Variants in HEXIM2 observed in about 807,000 individuals in gnomAD.
HEXIM2 encodes the protein HEXIM P-TEFb complex subunit 2, also known as protein HEXIM2.
For missense variants in HEXIM2, 413 were observed against 390.8 expected (o/e 1.06, Z -0.48); for synonymous variants, 159 against 162.7 (o/e 0.98, Z 0.17).
chr17:45,160,810 C>T (rs1272716082), upstream of HEXIM2: 3 of 768,750 alleles, frequency 3.9e-6, no homozygotes, highest in African/African-American at 1.8e-5. Context: ...GACCTTCAGG[C>T]ACCGAGCTCG....
chr17:45,161,275 G>A (rs1213748188), upstream of HEXIM2: 2 of 325,760 alleles, frequency 6.1e-6, no homozygotes, highest in East Asian at 7.8e-5. Flanking sequence ...CCCGCACTCT[G>A]TGAGAGGCGA....
chr17:45,161,128 G>C (rs1244276704), upstream of HEXIM2: 1 of 420,994 alleles, frequency 2.4e-6, no homozygotes, highest in African/African-American at 2.0e-5. Context: ...TACCCAGGCC[G>C]AATGGGGGTG....
At position 45,169,682 on chromosome 17, in the gene HEXIM2, C is replaced by T. The variant is rs1364757244; in HGVS notation, c.734C>T (p.Ser245Phe). 1.0e-5 allele frequency: 16 copies of T among 1,531,374 alleles called. No individual in the cohort carries two copies. Among genetic ancestry groups the T allele is most frequent in the Non-Finnish European group, 1.4e-5 (16 of 1,136,072 alleles). The allele number at this position is 1,531,374 out of a possible 1,614,324, so 94.9% of individuals were successfully genotyped here. A position where few individuals can be genotyped will look rare whatever the true frequency, so the allele number is the denominator to read the frequency against. The change falls in exon 4 of 4, where the codon TCC (serine) becomes TTC (phenylalanine). Residue 245 changes from serine (S) to phenylalanine (F), a missense_variant. Physicochemically the swap from Ser to Phe is radical, Grantham distance 155. Coordinates refer to ENST00000589230, the MANE Select transcript of HEXIM2 (RefSeq NM_001303441.2). ...QQLQACTGQQSCRQVEELAAE... is the reference protein window; with the variant it reads ...QQLQACTGQQFCRQVEELAAE... Reference sequence around the variant, plus strand: ...CTGCAGGCGTGCACCGGCCAGCAGTCCTGCCGCCAGGTGGAGGAGCTGGCT... The same window carrying T: ...CTGCAGGCGTGCACCGGCCAGCAGTTCTGCCGCCAGGTGGAGGAGCTGGCT...
chr17:45,161,941 T>G lies in HEXIM2; in HGVS notation c.-283T>G, dbSNP rs1598127092. 1.0e-6 allele frequency: 1 copy of G among 985,338 alleles called. No individual in the cohort carries two copies. Among genetic ancestry groups the G allele is most frequent in the Non-Finnish European group, 1.2e-6 (1 of 830,028 alleles). The allele number at this position is 985,338 out of a possible 1,614,324, so 61.0% of individuals were successfully genotyped here. A position where few individuals can be genotyped will look rare whatever the true frequency, so the allele number is the denominator to read the frequency against. ...GAGCTGCTGCAACTGCAGCAAGAGG[T>G]AGGGCTCAGGCGTTGGGAATTGCAC... On this transcript the variant is annotated 5_prime_UTR_variant, in exon 1 of 4. Transcript: ENST00000589230.
At position 45,162,873 on chromosome 17, in the gene HEXIM2, C is replaced by A; in HGVS notation, c.66+14C>A. The A allele has an allele frequency of 6.4e-7, 1 of 1,555,462 alleles. No homozygotes were observed. The highest frequency in any genetic ancestry group is 8.9e-7 in the Non-Finnish European group (1 of 1,127,736). On this transcript the variant is annotated intron_variant, in intron 3 of 3. Transcript: ENST00000589230. ...GAGGAGGCCAAGGTAAGTCCCTGCCCTCCTGCCCACCCAAGCACCACGAGC... is the reference window on the plus strand; with the variant it reads ...GAGGAGGCCAAGGTAAGTCCCTGCCATCCTGCCCACCCAAGCACCACGAGC...
chr17:45,161,816 T>C (rs2042703030), upstream of HEXIM2: 1 of 985,334 alleles, frequency 1.0e-6, no homozygotes, highest in Non-Finnish European at 1.2e-6. Context: ...TACAGGCCCT[T>C]GGATCGCTTT....
upstream of HEXIM2, chr17:45,161,241 AAC>A: frequency 5.7e-6 from 2 of 351,162 alleles, no homozygotes; most frequent in South Asian, 2.1e-5. Flanking sequence ...GGTCTCGGGA[AAC>A]ACGCGGTAAT....
At chr17:45,160,748 G>A (rs1000746769), upstream of HEXIM2, 63 of 431,004 alleles carry the variant, frequency 1.5e-4, 2 homozygotes, top group South Asian at 1.1e-3. Flanking sequence ...AGGTCAGGTT[G>A]TCCGGAGAAT....
Position 45,169,902 on chromosome 17 carries a change from A to C in HEXIM2, c.*93A>C. ...CTCAAGGAGGCAGGTGGCAGATGAA[A>C]ACCACCGTCAACACCCTGTGCGCCC... is the stretch of plus-strand genomic sequence containing the variant. On this transcript the variant is annotated 3_prime_UTR_variant, in exon 4 of 4. Transcript: ENST00000589230. The C allele has an allele frequency of 9.6e-7, 1 of 1,038,296 alleles. No homozygotes were observed. The highest frequency in any genetic ancestry group is 1.3e-6 in the Non-Finnish European group (1 of 753,676). The allele number at this position is 1,038,296 out of a possible 1,614,324, so 64.3% of individuals were successfully genotyped here.
chr17:45,161,446 A>C, upstream of HEXIM2: 2 of 171,780 alleles, frequency 1.2e-5, no homozygotes, highest in South Asian at 2.2e-4. Context: ...ACCACCCCCC[A>C]CGGGGTGCTC....
chr17:45,166,608 C>G (rs551068152), intron 3 of HEXIM2, among the ~76,000 whole-genome samples: 1 of 152,274 alleles, frequency 6.6e-6, no homozygotes, highest in South Asian at 2.1e-4. Context: ...ATGCTAAATG[C>G]TATGTGCTAA....
At position 45,166,961 on chromosome 17, in the gene HEXIM2, G is replaced by C. The variant is rs573246842; in HGVS notation, c.67-2054G>C. On this transcript the variant is annotated intron_variant, in intron 3 of 3. Coordinates refer to ENST00000589230, the MANE Select transcript of HEXIM2 (RefSeq NM_001303441.2). ...AATCGCTTGAACCTGGGAGGTGGAG[G>C]TTGCAGTGAGCTGAGGTCGGGCCAC... 9.0e-3 allele frequency among the ~76,000 whole-genome samples: 1,314 copies of C among 145,938 alleles called. 17 individuals carry two copies. The highest frequency in any genetic ancestry group is 0.032 in the African/African-American group (1,251 of 39,528).
In HEXIM2 at chr17:45,169,616, G is replaced by A. The variant is rs1310938581; in HGVS notation, c.668G>A (p.Arg223Gln). The A allele has an allele frequency of 1.3e-5, 20 of 1,536,548 alleles. No homozygotes were observed. The highest frequency in any genetic ancestry group is 1.8e-5 in the Non-Finnish European group (20 of 1,139,580). The change falls in exon 4 of 4, where the codon CGG (arginine) becomes CAG (glutamine). Residue 223 changes from arginine to glutamine, a missense_variant. Coordinates refer to ENST00000589230, the MANE Select transcript of HEXIM2 (RefSeq NM_001303441.2). ...CGAGACTACCTGGAGCTGGAGAAGC[G>A]GCTGTCGCAGGCGGAGGAGGAGACT... Reference protein sequence around the residue: ...LVRDYLELEKRLSQAEEETRR... With the variant: ...LVRDYLELEKQLSQAEEETRR...
Position 45,169,766 on chromosome 17 carries a change from G to A in HEXIM2, c.818G>A (p.Trp273Ter). The part of the protein sequence containing the change: ...NQRLRQENQM[W>*]NREGCRCDEE... ...CGGCTTCGTCAGGAGAACCAGATGT[G>A]GAACCGAGAGGGCTGCCGCTGTGAT... Residue 273 changes from tryptophan to a stop codon, truncating the protein, a stop_gained, in exon 4 of 4, where the codon TGG becomes TAG. Coordinates refer to ENST00000589230, the MANE Select transcript of HEXIM2 (RefSeq NM_001303441.2). LOFTEE classifies it low-confidence loss of function (END_TRUNC). 2 of 1,460,706 alleles carry A rather than the reference G, an allele frequency of 1.4e-6. No individual in the cohort carries two copies. Among genetic ancestry groups the A allele is most frequent in the Non-Finnish European group, 1.8e-6 (2 of 1,106,628 alleles). The allele number at this position is 1,460,706 out of a possible 1,614,324, so 90.5% of individuals were successfully genotyped here.
chr17:45,163,872 A>G (rs565178904), intron 3 of HEXIM2, among the ~76,000 whole-genome samples: 30 of 152,040 alleles, frequency 2.0e-4, no homozygotes, highest in Admixed American at 7.9e-4. Context: ...AAACAAAAAC[A>G]GGCCAGGCGC....
chr17:45,160,671 G>A (rs2042660592), upstream of HEXIM2: 1 of 351,634 alleles, frequency 2.8e-6, no homozygotes, highest in Non-Finnish European at 5.7e-6. Context: ...CATCCCTTCG[G>A]TGTAAACTTT....
chr17:45,167,243 T>C (rs1176353868), intron 3 of HEXIM2, among the ~76,000 whole-genome samples: 1 of 151,458 alleles, frequency 6.6e-6, no homozygotes, highest in Non-Finnish European at 1.5e-5. Flanking sequence ...GGAGAATCGC[T>C]TGAACCTGGA....
chr17:45,165,081 G>T (rs1486281842), intron 3 of HEXIM2, among the ~76,000 whole-genome samples: 3 of 152,136 alleles, frequency 2.0e-5, no homozygotes, highest in African/African-American at 7.2e-5. Flanking sequence ...TCTACTGAGG[G>T]CTGGGAGCAT....
Position 45,162,768 on chromosome 17 carries a change from G to A in HEXIM2, c.-26G>A, listed in dbSNP as rs914724794. On this transcript the variant is annotated 5_prime_UTR_variant, in exon 3 of 4. Coordinates refer to ENST00000589230, the MANE Select transcript of HEXIM2 (RefSeq NM_001303441.2). ...AAAGCAGGTGTCACTAGTTCCAGGC[G>A]TCTGCTGAAAGATTTGGAACAGAAG... 5.0e-6 allele frequency: 8 copies of A among 1,613,690 alleles called. No individual in the cohort carries two copies. Among genetic ancestry groups the A allele is most frequent in the Non-Finnish European group, 6.8e-6 (8 of 1,179,910 alleles).
Sources: allele counts gnomAD v4.1 joint callset (sites outside exome capture counted in the v4.1 genomes callset), GRCh38; gene constraint gnomAD v4.1.1; transcripts MANE v1.5; gene names NCBI Gene and HGNC (gene_info 2026-07-23, HGNC 2026-07-21).